ATP6V0A1: variants seen among roughly 807,000 people sequenced by gnomAD.
The protein encoded by ATP6V0A1 is ATPase H+ transporting V0 subunit a1, also known as V-type proton ATPase 116 kDa subunit a 1.
In ATP6V0A1, 43 loss-of-function variants were observed where a neutral mutation model predicts 105.4. The observed-to-expected ratio is 0.41, with a 90% CI of 0.32 to 0.53. The LOEUF is 0.53. ATP6V0A1 is among the 20% of genes least tolerant of loss of function. The probability of loss-of-function intolerance (pLI) is 0.30; values close to 1 mark genes in which losing one functional copy is unlikely to be tolerated. For missense variants in ATP6V0A1, 676 were observed against 1,051.1 expected, an observed-to-expected ratio of 0.64 and a Z score of 4.93; for synonymous variants, 362 against 372.8, an observed-to-expected ratio of 0.97 and a Z score of 0.33.
At position 42,495,736 on chromosome 17, in the gene ATP6V0A1, A is replaced by G. The variant is rs2146046019; in HGVS notation, c.1560+20A>G. 5 of 1,585,266 alleles carry G rather than the reference A, an allele frequency of 3.2e-6. No individual in the cohort carries two copies. Among genetic ancestry groups the G allele is most frequent in the East Asian group, 2.2e-5 (1 of 44,738 alleles). ...GATCCAGTAAGAGGACTTCCTTCCT[A>G]TATGCTAACCTCAAATTTTTTAACA... On this transcript the variant is annotated intron_variant, in intron 14 of 21. Transcript: ENST00000343619.
intron 5 of ATP6V0A1, among the ~76,000 whole-genome samples, chr17:42,472,051 C>CTTT (rs11428880): frequency 3.1e-5 from 4 of 129,942 alleles, no homozygotes; most frequent in East Asian, 2.4e-4. Context: ...TATAGAGGCC[C>CTTT]TTTTTTTTTT....
At chr17:42,517,537 C>A (rs2092681502) in intron 21 of ATP6V0A1, among the ~76,000 whole-genome samples, 1 of 152,240 alleles carries the variant, frequency 6.6e-6, no homozygotes, top group African/African-American at 2.4e-5. Context: ...CTTTGTGCAA[C>A]TTCCAGAATC....
intron 17 of ATP6V0A1, among the ~76,000 whole-genome samples, chr17:42,502,450 G>A (rs1488655469): frequency 6.6e-6 from 1 of 152,126 alleles, no homozygotes; most frequent in Admixed American, 6.5e-5. Flanking sequence ...AGCAGCATAT[G>A]TATATACGTT....
intron 19 of ATP6V0A1, chr17:42,510,542 G>C (rs906379910): frequency 6.6e-6 from 1 of 152,338 alleles, no homozygotes; most frequent in African/African-American, 2.4e-5. Context: ...CTTCACAGGG[G>C]CAAAACACCT....
intron 2 of ATP6V0A1, among the ~76,000 whole-genome samples, chr17:42,462,809 C>T (rs188933459): frequency 2.0e-5 from 3 of 151,602 alleles, no homozygotes; most frequent in African/African-American, 7.3e-5. Context: ...ATGGGGGTCT[C>T]GCCATGTTAC....
At chr17:42,498,848 T>C (rs2091424423) in intron 14 of ATP6V0A1, 76 bp from the exon 15 acceptor site, 1 of 1,003,186 alleles carries the variant, frequency 1.0e-6, no homozygotes, top group South Asian at 1.5e-5. Context: ...AAATAAAAAT[T>C]GTTTTTTAAA....
At chr17:42,495,243 G>T in intron 13 of ATP6V0A1, 55 bp downstream of exon 13, 2 of 1,568,868 alleles carry the variant, frequency 1.3e-6, no homozygotes, top group South Asian at 2.3e-5. Context: ...GTGCAGCCCT[G>T]ATTTTTAAGA....
At chr17:42,520,811 T>C in intron 21 of ATP6V0A1, 1 of 550,570 alleles carries the variant, frequency 1.8e-6, no homozygotes, top group Admixed American at 3.1e-5. Flanking sequence ...AGAGCAAGAT[T>C]GGGAACTGAG....
At chr17:42,482,507 C>G (rs1180585290) in intron 8 of ATP6V0A1, among the ~76,000 whole-genome samples, 1 of 146,962 alleles carries the variant, frequency 6.8e-6, no homozygotes, top group East Asian at 2.0e-4. Context: ...ATTTGCTTTA[C>G]TTTTTTTTTT....
At chr17:42,505,655 A>G (rs2091974041) in intron 17 of ATP6V0A1, among the ~76,000 whole-genome samples, 1 of 151,874 alleles carries the variant, frequency 6.6e-6, no homozygotes, top group Admixed American at 6.6e-5. Flanking sequence ...ACTCTTTTTT[A>G]TGGTTGCCTA....
At chr17:42,469,323 CTTT>C (rs58501978) in intron 4 of ATP6V0A1, among the ~76,000 whole-genome samples, 6 of 102,308 alleles carry the variant, frequency 5.9e-5, no homozygotes, top group African/African-American at 2.3e-4. Flanking sequence ...AAAGGAAAGA[CTTT>C]TTTTTTTTTT....
At chr17:42,484,278 C>G (rs980353184) in intron 9 of ATP6V0A1, among the ~76,000 whole-genome samples, 1 of 151,844 alleles carries the variant, frequency 6.6e-6, no homozygotes, top group Non-Finnish European at 1.5e-5. Flanking sequence ...AGGATGATCT[C>G]GATCTCCTGA....
At chr17:42,462,354 CCA>C (rs2086522413) in intron 2 of ATP6V0A1, among the ~76,000 whole-genome samples, 1 of 152,078 alleles carries the variant, frequency 6.6e-6, no homozygotes, top group Non-Finnish European at 1.5e-5. Context: ...TTCTTCCACC[CCA>C]GAGGTAACCC....
rs1453817469 is a variant in ATP6V0A1, at chr17:42,470,192, C to T, written c.397C>T (p.Arg133Cys). 5 of 1,613,046 alleles carry T rather than the reference C, an allele frequency of 3.1e-6. No individual in the cohort carries two copies. The highest frequency in any genetic ancestry group is 1.3e-5 in the African/African-American group (1 of 75,014). The change falls in exon 5 of 22, where the codon CGC becomes TGC. Residue 133 changes from arginine to cysteine, a missense_variant. Arg to Cys is a radical substitution (Grantham distance 180, BLOSUM62 -3). Around this residue, in one of 3 missense-constraint regions of ATP6V0A1, gnomAD observed 239 missense variants for 388.4 expected, o/e 0.62. Transcript: ENST00000343619. ...LELTELKFIL[R>C]KTQQFFDEMA... ...ACTGACCGAATTAAAATTTATACTT[C>T]GCAAAACTCAGCAATTTTTTGATGA...
At chr17:42,520,979 T>A (rs1342986380) in intron 21 of ATP6V0A1, 48 bp from the exon 22 acceptor site, 1 of 1,506,232 alleles carries the variant, frequency 6.6e-7, no homozygotes, top group East Asian at 2.3e-5. Flanking sequence ...CCTAAAAAGC[T>A]TCACAAAGTT....
At position 42,464,076 on chromosome 17, in the gene ATP6V0A1, G is replaced by C. The variant is rs1249924749; in HGVS notation, c.118-2353G>C. Among the ~76,000 whole-genome samples the C allele has an allele frequency of 2.0e-5, 3 of 152,160 alleles. No individual in the cohort carries two copies. In the East Asian group the frequency reaches 5.8e-4, roughly 29 times the overall value. ...AAATCTGTGTGTTAGTGGACCAGCA[G>C]AGTTCAAACCCACATTGTTCAAAGG... is the stretch of plus-strand genomic sequence containing the variant. On this transcript the variant is annotated intron_variant, in intron 2 of 21. Coordinates refer to ENST00000343619, the MANE Select transcript of ATP6V0A1 (RefSeq NM_001130021.3).
At chr17:42,462,044 CAAAAAAAAAAAAA>C (rs1040242459) in intron 2 of ATP6V0A1, among the ~76,000 whole-genome samples, 2 of 52,904 alleles carry the variant, frequency 3.8e-5, no homozygotes, top group African/African-American at 1.5e-4. Context: ...CCGTCTCTGC[CAAAAAAAAAAAAA>C]AAAAAAAAAA....
At chr17:42,508,034 A>T (rs543181905) in intron 18 of ATP6V0A1, among the ~76,000 whole-genome samples, 16 of 152,324 alleles carry the variant, frequency 1.1e-4, no homozygotes, top group African/African-American at 3.4e-4. Context: ...GACCAGCTAT[A>T]ATCACTGGTA....
intron 18 of ATP6V0A1, 37 bp downstream of exon 18, chr17:42,507,664 C>T (rs758840558): frequency 6.4e-7 from 1 of 1,557,884 alleles, no homozygotes. Context: ...CTCCTTCCAC[C>T]TCGGGTCAGC....
Sources: allele counts gnomAD v4.1 joint callset (sites outside exome capture counted in the v4.1 genomes callset), GRCh38; gene constraint gnomAD v4.1.1; regional missense constraint gnomAD v4.1.1; transcripts MANE v1.5; gene names NCBI Gene and HGNC (gene_info 2026-07-23, HGNC 2026-07-21).